FBXO4: variants seen among roughly 807,000 people sequenced by gnomAD.
FBXO4 encodes the protein F-box protein 4.
Under a neutral mutation model 43.7 loss-of-function variants are expected in FBXO4, and 36 were observed. The observed-to-expected ratio is 0.82, with a 90% CI of 0.63 to 1.09. The LOEUF (loss-of-function observed/expected upper bound fraction) is 1.09, where lower values mean the gene tolerates loss of function less well. Among genes scored for constraint, FBXO4 ranks in the 50% least tolerant of loss-of-function variants. FBXO4 has a pLI of 0.00. For missense variants in FBXO4, 435 were observed against 474.1 expected, an observed-to-expected ratio of 0.92 and a Z score of 0.77; for synonymous variants, 180 against 165.6, an observed-to-expected ratio of 1.09 and a Z score of -0.67.
At position 41,941,347 on chromosome 5, in the gene FBXO4, T is replaced by A; in HGVS notation, c.*66T>A. On this transcript the variant is annotated 3_prime_UTR_variant, in exon 7 of 7. Transcript: ENST00000281623. ...TATTACTAAGGTCGTGATGTGAATA[T>A]TTGCTCAGTCAGCCCACCTTGTCCT... is the stretch of plus-strand genomic sequence containing the variant. The A allele has an allele frequency of 7.0e-7, 1 of 1,426,282 alleles. No individual in the cohort carries two copies. Among genetic ancestry groups the A allele is most frequent in the Non-Finnish European group, 9.9e-7 (1 of 1,013,384 alleles). The allele number at this position is 1,426,282 out of a possible 1,614,324, so 88.4% of individuals were successfully genotyped here. A position where few individuals can be genotyped will look rare whatever the true frequency, so the allele number is the denominator to read the frequency against.
At chr5:42,013,769 T>C in the FBXO4 span, among the ~76,000 whole-genome samples, 1 of 152,230 alleles carries the variant, frequency 6.6e-6, no homozygotes, top group Admixed American at 6.5e-5. Flanking sequence ...AGTTAGACTT[T>C]GGTGTCTCAT....
chr5:42,035,786 T>C, the FBXO4 span, among the ~76,000 whole-genome samples: 1 of 152,140 alleles, frequency 6.6e-6, no homozygotes, highest in Non-Finnish European at 1.5e-5. Flanking sequence ...AAGTCCTTTA[T>C]GTGCACTTTC....
At chr5:41,957,199 G>A in the FBXO4 span, among the ~76,000 whole-genome samples, 1 of 151,600 alleles carries the variant, frequency 6.6e-6, no homozygotes, top group Non-Finnish European at 1.5e-5. Context: ...TATTTATTCT[G>A]GTCTATTCTA....
chr5:41,986,962 G>A, the FBXO4 span, among the ~76,000 whole-genome samples: 1 of 152,036 alleles, frequency 6.6e-6, no homozygotes, highest in African/African-American at 2.4e-5. Flanking sequence ...TGTTTATAGA[G>A]AACAAAATGT....
chr5:42,031,574 C>T, the FBXO4 span, among the ~76,000 whole-genome samples: 4 of 151,682 alleles, frequency 2.6e-5, no homozygotes, highest in African/African-American at 9.7e-5. Context: ...CAAACCTGCA[C>T]ATTGTGCACA....
chr5:42,001,911 GA>G, the FBXO4 span, among the ~76,000 whole-genome samples: 1 of 152,000 alleles, frequency 6.6e-6, no homozygotes, highest in African/African-American at 2.4e-5. Flanking sequence ...GGCTGCTCTC[GA>G]ACTTGACCTC....
chr5:41,934,076 G>A, intron 4 of FBXO4, 55 bp downstream of exon 4: 3 of 1,610,364 alleles, frequency 1.9e-6, no homozygotes, highest in South Asian at 1.1e-5. Context: ...AACATTTCAG[G>A]TGAGTGGAGC....
At chr5:41,994,539 G>A in the FBXO4 span, among the ~76,000 whole-genome samples, 1 of 152,142 alleles carries the variant, frequency 6.6e-6, no homozygotes, top group Non-Finnish European at 1.5e-5. Flanking sequence ...GCCATTTCTA[G>A]CCCTGCCGGA....
the FBXO4 span, among the ~76,000 whole-genome samples, chr5:41,981,751 T>G: frequency 6.6e-6 from 1 of 151,412 alleles, no homozygotes; most frequent in Non-Finnish European, 1.5e-5. Flanking sequence ...TTTTTTAATA[T>G]ACATATTTTT....
the FBXO4 span, among the ~76,000 whole-genome samples, chr5:42,022,965 A>C: frequency 2.0e-5 from 3 of 152,112 alleles, no homozygotes; most frequent in Non-Finnish European, 2.9e-5. Context: ...GTTTAAAAAA[A>C]ATGAAATACA....
At chr5:42,004,207 C>T in the FBXO4 span, among the ~76,000 whole-genome samples, 2,273 of 152,252 alleles carry the variant, frequency 0.015, 55 homozygotes, top group African/African-American at 0.047. Context: ...TCCAATGTCC[C>T]ATACACATAC....
the FBXO4 span, among the ~76,000 whole-genome samples, chr5:42,029,130 G>A: frequency 3.3e-5 from 5 of 151,990 alleles, no homozygotes; most frequent in South Asian, 2.1e-4. Context: ...GACAGGTCTG[G>A]TATTGACGAA....
chr5:42,036,359 G>A, the FBXO4 span, among the ~76,000 whole-genome samples: 1 of 151,952 alleles, frequency 6.6e-6, no homozygotes, highest in Admixed American at 6.6e-5. Flanking sequence ...GGCTTACATA[G>A]GTATCAGCAA....
At chr5:42,010,716 G>C in the FBXO4 span, among the ~76,000 whole-genome samples, 6 of 152,058 alleles carry the variant, frequency 3.9e-5, no homozygotes, top group Admixed American at 6.6e-5. Flanking sequence ...ATACCCTGAA[G>C]TAAAAGTGCT....
chr5:41,986,632 T>A, the FBXO4 span, among the ~76,000 whole-genome samples: 626 of 152,244 alleles, frequency 4.1e-3, 3 homozygotes, highest in African/African-American at 0.014. Context: ...AGATCATTTG[T>A]TTGGGATGTT....
chr5:41,966,810 A>G, the FBXO4 span, among the ~76,000 whole-genome samples: 48 of 152,304 alleles, frequency 3.2e-4, no homozygotes, highest in Non-Finnish European at 6.2e-4. Context: ...AGCACTAGAG[A>G]AGTGCAATCC....
At chr5:41,977,960 A>G in the FBXO4 span, among the ~76,000 whole-genome samples, 5 of 152,236 alleles carry the variant, frequency 3.3e-5, no homozygotes, top group East Asian at 1.9e-4. Flanking sequence ...TTGTGTCTCT[A>G]TAAGGGAATA....
At chr5:42,010,375 G>A in the FBXO4 span, among the ~76,000 whole-genome samples, 1 of 152,028 alleles carries the variant, frequency 6.6e-6, no homozygotes, top group African/African-American at 2.4e-5. Context: ...GGGCATGGTA[G>A]CACGTGCCTG....
the FBXO4 span, among the ~76,000 whole-genome samples, chr5:42,004,189 T>C: frequency 2.6e-5 from 4 of 152,176 alleles, no homozygotes; most frequent in Admixed American, 2.0e-4. Flanking sequence ...TATCACCCAT[T>C]TCCTTCCTCC....
Sources: allele counts gnomAD v4.1 joint callset (sites outside exome capture counted in the v4.1 genomes callset), GRCh38; gene constraint gnomAD v4.1.1; transcripts MANE v1.5; gene names NCBI Gene and HGNC (gene_info 2026-07-23, HGNC 2026-07-21).